GCNT4: variants seen among roughly 807,000 people sequenced by gnomAD.
GCNT4 encodes glucosaminyl (N-acetyl) transferase 4, also known as beta-1,3-galactosyl-O-glycosyl-glycoprotein beta-1,6-N-acetylglucosaminyltransferase 4.
In GCNT4, 17 loss-of-function variants were observed where a neutral mutation model predicts 31.3. That is an observed-to-expected ratio of 0.54 (90% confidence interval 0.37 to 0.81). The LOEUF (loss-of-function observed/expected upper bound fraction) is 0.81, where lower values mean the gene tolerates loss of function less well. Ranked by LOEUF, GCNT4 falls within the 40% of genes least tolerant of loss-of-function variation. The pLI is 0.00. For missense variants in GCNT4, 503 were observed against 525.5 expected (o/e 0.96, Z 0.42); for synonymous variants, 158 against 190.6 (o/e 0.83, Z 1.41).
At chr5:75,030,134 A>C in intron 3 of GCNT4, 96 bp from the exon 4 acceptor site, 1 of 1,094,872 alleles carries the variant, frequency 9.1e-7, no homozygotes, top group South Asian at 1.6e-5. Flanking sequence ...ATACTAGGCA[A>C]ATGCTGCCCC....
At chr5:75,035,471 G>A (rs991898059) in intron 3 of GCNT4, among the ~76,000 whole-genome samples, 12 of 152,220 alleles carry the variant, frequency 7.9e-5, no homozygotes, top group African/African-American at 2.7e-4. Flanking sequence ...GCTTCAGGAT[G>A]CCACAGACCT....
intron 3 of GCNT4, among the ~76,000 whole-genome samples, chr5:75,046,902 T>C (rs921516513): frequency 2.6e-5 from 4 of 152,140 alleles, no homozygotes; most frequent in African/African-American, 9.7e-5. Flanking sequence ...GGAGATGAAA[T>C]CCTTAAGTGA....
At chr5:75,047,562 C>G (rs1743469573) in intron 3 of GCNT4, among the ~76,000 whole-genome samples, 1 of 152,078 alleles carries the variant, frequency 6.6e-6, no homozygotes, top group Non-Finnish European at 1.5e-5. Context: ...GTTTAGGACT[C>G]CAGGTACTTT....
At chr5:75,041,961 A>G (rs868791967) in intron 3 of GCNT4, among the ~76,000 whole-genome samples, 10 of 152,246 alleles carry the variant, frequency 6.6e-5, no homozygotes, top group African/African-American at 2.4e-4. Flanking sequence ...TTTTCTCTAA[A>G]GAAAATTCTA....
At chr5:75,022,235 T>C (rs1175123135), downstream of GCNT4, among the ~76,000 whole-genome samples, 1 of 152,202 alleles carries the variant, frequency 6.6e-6, no homozygotes, top group Non-Finnish European at 1.5e-5. Context: ...AGCCATGCGG[T>C]TGAAAACAAT....
downstream of GCNT4, among the ~76,000 whole-genome samples, chr5:75,024,553 A>G (rs1395940542): frequency 6.6e-6 from 1 of 152,158 alleles, no homozygotes; most frequent in Non-Finnish European, 1.5e-5. Context: ...ACAAATACTC[A>G]GCTCAGTAGA....
chr5:75,040,950 T>TTTC (rs1743302767), intron 3 of GCNT4, among the ~76,000 whole-genome samples: 3 of 152,180 alleles, frequency 2.0e-5, no homozygotes, highest in Admixed American at 1.3e-4. Context: ...TAGAGTTTTT[T>TTTC]CCCCAGTATG....
At chr5:75,033,709 T>G (rs1235541804) in intron 3 of GCNT4, among the ~76,000 whole-genome samples, 1 of 151,912 alleles carries the variant, frequency 6.6e-6, no homozygotes, top group Admixed American at 6.6e-5. Flanking sequence ...GGGATACATG[T>G]GCAGAACAAG....
chr5:75,044,036 C>T (rs572356839), intron 3 of GCNT4, among the ~76,000 whole-genome samples: 6 of 152,264 alleles, frequency 3.9e-5, no homozygotes, highest in South Asian at 2.1e-4. Context: ...CTGCTCGCCA[C>T]GCCTCAGTTA....
the GCNT4 span, among the ~76,000 whole-genome samples, chr5:75,020,271 T>TGGCAC: frequency 6.6e-6 from 1 of 152,162 alleles, no homozygotes; most frequent in Non-Finnish European, 1.5e-5. Context: ...CAGTTTGGCA[T>TGGCAC]GGCACGGCAC....
chr5:75,046,036 C>T (rs1743431144), intron 3 of GCNT4, among the ~76,000 whole-genome samples: 1 of 152,136 alleles, frequency 6.6e-6, no homozygotes, highest in African/African-American at 2.4e-5. Context: ...AAATGATGTT[C>T]TTCCTTTCTG....
chr5:75,053,721 G>A (rs1382408798), upstream of GCNT4, among the ~76,000 whole-genome samples: 1 of 152,078 alleles, frequency 6.6e-6, no homozygotes, highest in African/African-American at 2.4e-5. Context: ...GGAGAAAGTA[G>A]GAGCGCCTCC....
rs986414729 is a variant in GCNT4, at chr5:75,025,742, T to C, written c.*2934A>G. The C allele has an allele frequency of 2.0e-5, 3 of 152,316 alleles. No individual in the cohort carries two copies. Among genetic ancestry groups the C allele is most frequent in the Admixed American group, 1.3e-4 (2 of 15,290 alleles). 9.4% of individuals were successfully genotyped at this position (152,316 alleles called of 1,614,324 possible). On this transcript the variant is annotated 3_prime_UTR_variant, in exon 4 of 4. Transcript: ENST00000652361. ...CTTAAATTAACCAAAATATTAAAAA[T>C]AGCAGCAACACTGGTCTTTAAACAC... is the stretch of plus-strand genomic sequence containing the variant.
chr5:75,024,950 CAAAAAAAAAAAAA>C (rs1239662355), downstream of GCNT4, among the ~76,000 whole-genome samples: 1 of 40,532 alleles, frequency 2.5e-5, no homozygotes, highest in Non-Finnish European at 4.9e-5. Context: ...GACTCCATCT[CAAAAAAAAAAAAA>C]AAAAAAAAAA....
intron 3 of GCNT4, among the ~76,000 whole-genome samples, chr5:75,036,537 A>G (rs547761338): frequency 6.6e-6 from 1 of 152,376 alleles, no homozygotes; most frequent in African/African-American, 2.4e-5. Context: ...CAACAGTTTT[A>G]GCACTTGACT....
At chr5:75,020,180 T>C in the GCNT4 span, among the ~76,000 whole-genome samples, 1 of 152,126 alleles carries the variant, frequency 6.6e-6, no homozygotes, top group Admixed American at 6.5e-5. Flanking sequence ...ATATAACCTG[T>C]TTGTGTAAGT....
At chr5:75,017,512 T>G in the GCNT4 span, 1 of 152,210 alleles carries the variant, frequency 6.6e-6, no homozygotes, top group Non-Finnish European at 1.5e-5. Context: ...CAGAGTGAGG[T>G]TTGTCCTGTG....
chr5:75,039,511 A>G (rs1743272218), intron 3 of GCNT4, among the ~76,000 whole-genome samples: 1 of 152,234 alleles, frequency 6.6e-6, no homozygotes, highest in African/African-American at 2.4e-5. Flanking sequence ...AAGTCAGAAG[A>G]TAAATAACTT....
chr5:75,043,526 CG>C (rs1464543527), intron 3 of GCNT4, among the ~76,000 whole-genome samples: 8 of 152,108 alleles, frequency 5.3e-5, no homozygotes, highest in Non-Finnish European at 1.0e-4. Flanking sequence ...GTAGGAGGTA[CG>C]CCATTTTGTT....
Sources: gnomAD v4.1 joint callset for allele counts (sites outside exome capture counted in the v4.1 genomes callset) on GRCh38, gnomAD v4.1.1 for gene constraint, MANE v1.5 for transcripts, NCBI Gene and HGNC (gene_info 2026-07-23, HGNC 2026-07-21) for gene names.